NXPE4: variants seen among roughly 807,000 people sequenced by gnomAD.
NXPE4 encodes NXPE family member 4.
Under a neutral mutation model 33.3 loss-of-function variants are expected in NXPE4, and 42 were observed. The ratio of observed to expected loss-of-function variants is 1.26; its 90% CI spans 0.98 to 1.63. The LOEUF is 1.63. Ranked by LOEUF, NXPE4 falls within the 40% of genes most tolerant of loss-of-function variation. NXPE4 has a pLI of 0.00. For missense variants in NXPE4, 709 were observed against 647.6 expected, an observed-to-expected ratio of 1.09 and a Z score of -1.03; for synonymous variants, 253 against 234.9, an observed-to-expected ratio of 1.08 and a Z score of -0.71.
At chr11:114,580,433 G>C in intron 4 of NXPE4, 95 bp from the exon 5 acceptor site, 1 of 988,220 alleles carries the variant, frequency 1.0e-6, no homozygotes, top group Non-Finnish European at 1.6e-6. Flanking sequence ...TCCTAAGAGG[G>C]GGTAAGGTGG....
chr11:114,630,076 C>G, the NXPE4 span, among the ~76,000 whole-genome samples: 2 of 151,622 alleles, frequency 1.3e-5, no homozygotes, highest in South Asian at 2.1e-4. Context: ...GAATCAATAT[C>G]GTGAAAATGG....
chr11:114,632,062 G>A, the NXPE4 span, among the ~76,000 whole-genome samples: 2 of 135,796 alleles, frequency 1.5e-5, no homozygotes, highest in Middle Eastern at 4.0e-3. Context: ...TAATATGTAA[G>A]AATTGTATAG....
At chr11:114,580,365 C>T in intron 4 of NXPE4, 27 bp from the exon 5 acceptor site, 1 of 1,593,980 alleles carries the variant, frequency 6.3e-7, no homozygotes, top group Non-Finnish European at 8.6e-7. Context: ...GAGATAGGAT[C>T]TTCCAAAACA....
the NXPE4 span, among the ~76,000 whole-genome samples, chr11:114,656,921 T>C: frequency 2.6e-5 from 4 of 152,034 alleles, no homozygotes; most frequent in Non-Finnish European, 4.4e-5. Flanking sequence ...TGAAACCCCG[T>C]CTCTACTAAA....
the NXPE4 span, among the ~76,000 whole-genome samples, chr11:114,623,516 T>C: frequency 6.6e-6 from 1 of 152,072 alleles, no homozygotes; most frequent in African/African-American, 2.4e-5. Context: ...TAATAAGTAT[T>C]CCCTCGTGGA....
At chr11:114,670,402 A>G in the NXPE4 span, among the ~76,000 whole-genome samples, 11 of 151,990 alleles carry the variant, frequency 7.2e-5, no homozygotes, top group Non-Finnish European at 1.3e-4. Context: ...CAATTACTAA[A>G]CAAACAAGCA....
chr11:114,607,342 T>G, the NXPE4 span, among the ~76,000 whole-genome samples: 3 of 151,938 alleles, frequency 2.0e-5, no homozygotes, highest in Non-Finnish European at 4.4e-5. Flanking sequence ...ATACTAAGTA[T>G]TGCCTCGTGG....
the NXPE4 span, among the ~76,000 whole-genome samples, chr11:114,609,780 A>G: frequency 2.2e-4 from 33 of 151,840 alleles, no homozygotes; most frequent in African/African-American, 6.8e-4. Flanking sequence ...CCTCGCGGGT[A>G]ACCACAGTTA....
chr11:114,582,239 C>G (rs1166921999), intron 3 of NXPE4, 49 bp downstream of exon 3: 2 of 1,521,486 alleles, frequency 1.3e-6, no homozygotes, highest in Non-Finnish European at 1.8e-6. Flanking sequence ...AGTATATAGG[C>G]CAAATCACAA....
the NXPE4 span, among the ~76,000 whole-genome samples, chr11:114,641,914 A>G: frequency 6.6e-6 from 1 of 152,098 alleles, no homozygotes; most frequent in South Asian, 2.1e-4. Flanking sequence ...CACTAGAGTA[A>G]CTTTATGCCA....
the NXPE4 span, among the ~76,000 whole-genome samples, chr11:114,640,150 T>C: frequency 2.3e-5 from 2 of 85,878 alleles, no homozygotes; most frequent in Non-Finnish European, 4.2e-5. Flanking sequence ...TAATATATGA[T>C]ATATTAATAA....
the NXPE4 span, among the ~76,000 whole-genome samples, chr11:114,636,838 TA>T: frequency 6.6e-6 from 1 of 152,156 alleles, no homozygotes; most frequent in African/African-American, 2.4e-5. Flanking sequence ...CAGTTTGTTA[TA>T]ATTTCTGTTC....
intron 2 of NXPE4, among the ~76,000 whole-genome samples, chr11:114,592,640 AAAATACC>A (rs1192840620): frequency 6.6e-6 from 1 of 152,178 alleles, no homozygotes; most frequent in Non-Finnish European, 1.5e-5. Flanking sequence ...AAACCCTATC[AAAATACC>A]AATAATATTC....
intron 2 of NXPE4, among the ~76,000 whole-genome samples, chr11:114,592,188 G>T (rs922910769): frequency 3.3e-5 from 5 of 152,038 alleles, no homozygotes; most frequent in African/African-American, 4.8e-5. Flanking sequence ...TTAAGTCAGA[G>T]AAATAAATAA....
the NXPE4 span, among the ~76,000 whole-genome samples, chr11:114,634,588 T>C: frequency 6.6e-6 from 1 of 152,116 alleles, no homozygotes; most frequent in African/African-American, 2.4e-5. Context: ...AGGGTTTTTA[T>C]GGTTTTAGGT....
chr11:114,605,350 A>C, the NXPE4 span, among the ~76,000 whole-genome samples: 1 of 151,674 alleles, frequency 6.6e-6, no homozygotes, highest in African/African-American at 2.4e-5. Flanking sequence ...CTCGTGGGTG[A>C]CCACTGTTAC....
chr11:114,624,935 A>G, the NXPE4 span, among the ~76,000 whole-genome samples: 1 of 152,138 alleles, frequency 6.6e-6, no homozygotes, highest in Non-Finnish European at 1.5e-5. Context: ...GGTGGATAAT[A>G]CGTGTTGCCT....
Position 114,582,734 on chromosome 11 carries a change from T to G in NXPE4, c.384A>C (p.Gly128=), listed in dbSNP as rs1297637960. 2.5e-6 allele frequency: 4 copies of G among 1,614,004 alleles called. No homozygotes were observed. Among genetic ancestry groups the G allele is most frequent in the Non-Finnish European group, 3.4e-6 (4 of 1,180,002 alleles). The change falls in exon 3 of 6, where the codon GGA becomes GGC. Residue 128 remains glycine, a synonymous_variant. Coordinates refer to ENST00000375478, the MANE Select transcript of NXPE4 (RefSeq NM_001077639.2). ...AATCCCCGCCATATTGCTTCCTGCG[T>G]CCCAAGTGGTCCCTCACCTCCAGCA... ...HILLEVRDHL[G]RRKQYGGDFL...
intron 2 of NXPE4, chr11:114,584,745 TC>T (rs1036506852): frequency 6.5e-6 from 1 of 152,728 alleles, no homozygotes; most frequent in Non-Finnish European, 1.5e-5. Flanking sequence ...AATCTTTCTC[TC>T]CCAAACCCTC....
Sources: allele counts gnomAD v4.1 joint callset (sites outside exome capture counted in the v4.1 genomes callset), GRCh38; gene constraint gnomAD v4.1.1; transcripts MANE v1.5; gene names NCBI Gene and HGNC (gene_info 2026-07-23, HGNC 2026-07-21).